Variants in BMPR1A observed in about 807,000 individuals in gnomAD.
The protein encoded by BMPR1A is bone morphogenetic protein receptor type-1A.
A neutral mutation model predicts 66.0 loss-of-function variants in BMPR1A; 7 were observed. The ratio of observed to expected loss-of-function variants is 0.11; its 90% CI spans 0.06 to 0.20. BMPR1A has a LOEUF of 0.20. Ranked by LOEUF, BMPR1A falls within the 10% of genes least tolerant of loss-of-function variation. The pLI is 1.00. For missense variants in BMPR1A, 408 were observed against 669.1 expected (o/e 0.61, Z 4.31); for synonymous variants, 200 against 229.7 (o/e 0.87, Z 1.17).
In BMPR1A at chr10:86,879,082, G is replaced by A. The variant is rs138164996; in HGVS notation, c.67+2997G>A. Among the ~76,000 whole-genome samples, 485 of 152,240 alleles carry A rather than the reference G, an allele frequency of 3.2e-3. 7 individuals are homozygous for A. Among genetic ancestry groups the A allele is most frequent in the Non-Finnish European group, 2.1e-3 (146 of 68,016 alleles). Reference sequence around the variant, plus strand: ...GCATGTAGTAACACACAGGAAGTCTGTATATAAGGGGACTGTAGTTGGTTA... The same window carrying A: ...GCATGTAGTAACACACAGGAAGTCTATATATAAGGGGACTGTAGTTGGTTA... On this transcript the variant is annotated intron_variant, in intron 3 of 12. Coordinates refer to ENST00000372037, the MANE Select transcript of BMPR1A (RefSeq NM_004329.3).
chr10:86,789,339 G>T (rs1166809559), intron 1 of BMPR1A, among the ~76,000 whole-genome samples: 1 of 152,112 alleles, frequency 6.6e-6, no homozygotes, highest in Non-Finnish European at 1.5e-5. Context: ...GGACGCTGTC[G>T]AGTGAGAAAA....
chr10:86,801,822 C>T (rs1002707318), intron 1 of BMPR1A, among the ~76,000 whole-genome samples: 2 of 152,078 alleles, frequency 1.3e-5, no homozygotes, highest in African/African-American at 4.8e-5. Flanking sequence ...ACGCCATTCT[C>T]CTGCCTCAGA....
intron 1 of BMPR1A, among the ~76,000 whole-genome samples, chr10:86,824,098 TG>T: frequency 6.6e-6 from 1 of 151,250 alleles, no homozygotes; most frequent in Non-Finnish European, 1.5e-5. Context: ...TGTGTGTGTG[TG>T]TGTGTGTGTG....
At chr10:86,874,306 A>G (rs1020109583) in intron 2 of BMPR1A, among the ~76,000 whole-genome samples, 3 of 152,210 alleles carry the variant, frequency 2.0e-5, no homozygotes, top group East Asian at 1.9e-4. Flanking sequence ...CATGTCATCC[A>G]TATTAGAAGT....
At chr10:86,801,917 T>C (rs1051385701) in intron 1 of BMPR1A, among the ~76,000 whole-genome samples, 6 of 152,074 alleles carry the variant, frequency 3.9e-5, no homozygotes, top group African/African-American at 1.2e-4. Context: ...AGTTTCATCA[T>C]GTTAGCCAGG....
chr10:86,882,022 A>G (rs935767437), intron 3 of BMPR1A, among the ~76,000 whole-genome samples: 11 of 152,074 alleles, frequency 7.2e-5, no homozygotes, highest in Admixed American at 1.3e-4. Flanking sequence ...TTTTAGAGAT[A>G]CACATTGAAA....
intron 5 of BMPR1A, among the ~76,000 whole-genome samples, chr10:86,892,904 T>G (rs1843173460): frequency 6.6e-6 from 1 of 151,978 alleles, no homozygotes; most frequent in Non-Finnish European, 1.5e-5. Context: ...TTTTTAAATT[T>G]TAACCGTCTT....
chr10:86,917,593 A>C (rs936936445), intron 9 of BMPR1A, among the ~76,000 whole-genome samples: 1 of 152,224 alleles, frequency 6.6e-6, no homozygotes, highest in African/African-American at 2.4e-5. Context: ...ATGAAAACCC[A>C]GTCTTTTATA....
At chr10:86,834,663 G>T (rs1319245535) in intron 1 of BMPR1A, among the ~76,000 whole-genome samples, 2 of 152,066 alleles carry the variant, frequency 1.3e-5, no homozygotes, top group Non-Finnish European at 2.9e-5. Context: ...CTAGTTAGGT[G>T]GTTACATGTT....
chr10:86,864,083 G>T (rs1266745826), intron 2 of BMPR1A, among the ~76,000 whole-genome samples: 1 of 152,184 alleles, frequency 6.6e-6, no homozygotes, highest in Non-Finnish European at 1.5e-5. Context: ...TAGTAATGAA[G>T]TATGATACCC....
At chr10:86,882,450 T>C (rs1223118574) in intron 3 of BMPR1A, among the ~76,000 whole-genome samples, 1 of 151,802 alleles carries the variant, frequency 6.6e-6, no homozygotes, top group Non-Finnish European at 1.5e-5. Context: ...TCTGGAAGAA[T>C]ACTTCATTTC....
rs116837042 is a variant in BMPR1A, at chr10:86,863,289, A to C, written c.-152-12578A>C. 4.2e-3 allele frequency among the ~76,000 whole-genome samples: 635 copies of C among 152,294 alleles called. 7 individuals are homozygous for C. Among genetic ancestry groups the C allele is most frequent in the African/African-American group, 0.014 (601 of 41,562 alleles). On this transcript the variant is annotated intron_variant, in intron 2 of 12. Transcript: ENST00000372037. ...CACTGTGCGGGCCTTAGCTGTCTTA[A>C]AAATAGCACTTATAGCAGCCTGTGT...
chr10:86,923,549 C>T (rs768189786), intron 12 of BMPR1A, 43 bp downstream of exon 12: 4 of 1,614,080 alleles, frequency 2.5e-6, no homozygotes, highest in East Asian at 2.2e-5. Context: ...TCGTAAATGC[C>T]ACCAAATATA....
intron 1 of BMPR1A, among the ~76,000 whole-genome samples, chr10:86,766,617 C>CTTTTTTTTTTTTTTTTT (rs71019427): frequency 7.6e-6 from 1 of 131,298 alleles, no homozygotes; most frequent in African/African-American, 3.2e-5. Context: ...TCATATCAGT[C>CTTTTTTTTTTTTTTTTT]TTTTTTTTTT....
chr10:86,911,309 A>G (rs1211763028), intron 7 of BMPR1A, among the ~76,000 whole-genome samples: 1 of 152,214 alleles, frequency 6.6e-6, no homozygotes, highest in Non-Finnish European at 1.5e-5. Flanking sequence ...AAATGCCATA[A>G]AGAGAATGCT....
chr10:86,910,245 G>A (rs1843458962), intron 7 of BMPR1A, among the ~76,000 whole-genome samples: 1 of 152,130 alleles, frequency 6.6e-6, no homozygotes, highest in African/African-American at 2.4e-5. Context: ...GCTGAGGCAG[G>A]GAGGATTGCT....
At chr10:86,929,318 T>C (rs904665787), downstream of BMPR1A, 1 of 152,168 alleles carries the variant, frequency 6.6e-6, no homozygotes, top group African/African-American at 2.4e-5. Flanking sequence ...CTTAGAGCGA[T>C]GGGATGCATT....
At chr10:86,790,190 T>G (rs11202184) in intron 1 of BMPR1A, among the ~76,000 whole-genome samples, 1 of 7,856 alleles carries the variant, frequency 1.3e-4, no homozygotes, top group African/African-American at 7.4e-4. Flanking sequence ...AAAAAAAAAA[T>G]ATATATATAT....
intron 1 of BMPR1A, among the ~76,000 whole-genome samples, chr10:86,760,227 TCTTTCTTTCTTTCTTTCTTTC>T (rs1564675355): frequency 6.4e-5 from 5 of 78,188 alleles, no homozygotes; most frequent in Admixed American, 1.4e-4. Flanking sequence ...TATTGTTTTT[TCTTTCTTTCTTTCTTTCTTTC>T]TTTTTTTTTT....
Sources: allele counts gnomAD v4.1 joint callset (sites outside exome capture counted in the v4.1 genomes callset), GRCh38; gene constraint gnomAD v4.1.1; transcripts MANE v1.5; gene names NCBI Gene and HGNC (gene_info 2026-07-23, HGNC 2026-07-21).